MBNL1: variants seen among roughly 807,000 people sequenced by gnomAD.
MBNL1 encodes the protein muscleblind-like protein 1.
A neutral mutation model predicts 42.2 loss-of-function variants in MBNL1; 8 were observed. The ratio of observed to expected loss-of-function variants is 0.19; its 90% CI spans 0.11 to 0.34. MBNL1 has a LOEUF of 0.34. MBNL1 is among the 10% of genes least tolerant of loss of function. The pLI is 1.00. For synonymous variants in MBNL1, 169 were observed against 173.9 expected (o/e 0.97, Z 0.22); for missense variants, 309 against 495.3 (o/e 0.62, Z 3.57).
chr3:152,318,838 G>C (rs1229737768), intron 2 of MBNL1, among the ~76,000 whole-genome samples: 1 of 152,138 alleles, frequency 6.6e-6, no homozygotes, highest in Non-Finnish European at 1.5e-5. Context: ...ACACTCTACA[G>C]GCATTCACAG....
chr3:152,361,302 C>A (rs1216898094), intron 2 of MBNL1, among the ~76,000 whole-genome samples: 1 of 151,740 alleles, frequency 6.6e-6, no homozygotes, highest in Non-Finnish European at 1.5e-5. Flanking sequence ...GTATGAACAT[C>A]AGTGGAGTTC....
intron 8 of MBNL1, chr3:152,458,832 G>GA (rs3836441): frequency 2.7e-4 from 41 of 152,012 alleles, no homozygotes; most frequent in Middle Eastern, 3.4e-3. Context: ...TTTTAATTTG[G>GA]AAAAAAAAAG....
chr3:152,326,017 G>A (rs1315161369), intron 2 of MBNL1, among the ~76,000 whole-genome samples: 1 of 152,084 alleles, frequency 6.6e-6, no homozygotes, highest in East Asian at 1.9e-4. Flanking sequence ...GTTAAAAGAA[G>A]TCTCAGACAT....
intron 2 of MBNL1, chr3:152,301,010 A>G (rs2060512494): frequency 1.7e-6 from 1 of 604,216 alleles, no homozygotes; most frequent in Non-Finnish European, 2.1e-6. Flanking sequence ...CATAAGTACT[A>G]TTGTTTATTG....
chr3:152,414,483 T>C (rs1006755261), intron 2 of MBNL1, among the ~76,000 whole-genome samples: 4 of 152,194 alleles, frequency 2.6e-5, no homozygotes, highest in Admixed American at 6.5e-5. Flanking sequence ...GGTGTTTTAC[T>C]GAAGATACAA....
chr3:152,332,854 G>C (rs1310735905), intron 2 of MBNL1, among the ~76,000 whole-genome samples: 2 of 152,124 alleles, frequency 1.3e-5, no homozygotes, highest in Admixed American at 6.6e-5. Flanking sequence ...GAAATAGCTT[G>C]GTTTCAGTAT....
At chr3:152,455,438 TTTC>T (rs1333335134) in intron 6 of MBNL1, 101 bp from the exon 7 acceptor site, 5 of 899,420 alleles carry the variant, frequency 5.6e-6, no homozygotes, top group Non-Finnish European at 9.3e-6. Flanking sequence ...AATAACAATT[TTTC>T]TTCTTTGTTC....
At chr3:152,408,073 C>T (rs2098476196) in intron 2 of MBNL1, among the ~76,000 whole-genome samples, 1 of 152,070 alleles carries the variant, frequency 6.6e-6, no homozygotes, top group African/African-American at 2.4e-5. Context: ...ATAGGTGCGG[C>T]AAACCATTCA....
chr3:152,322,624 T>A (rs2077103470), intron 2 of MBNL1, among the ~76,000 whole-genome samples: 2 of 152,066 alleles, frequency 1.3e-5, no homozygotes, highest in Admixed American at 1.3e-4. Context: ...TTGGTATGAG[T>A]TATTTTACGT....
At chr3:152,447,443 C>CT (rs759856709) in intron 5 of MBNL1, among the ~76,000 whole-genome samples, 177 bp from the exon 6 acceptor site, 194 of 133,680 alleles carry the variant, frequency 1.5e-3, no homozygotes, top group Middle Eastern at 4.0e-3. Flanking sequence ...TTTTATCTTG[C>CT]TTTTTTTTTT....
intron 1 of MBNL1, among the ~76,000 whole-genome samples, chr3:152,275,538 G>A (rs1043097692): frequency 1.3e-5 from 2 of 151,668 alleles, no homozygotes; most frequent in Non-Finnish European, 2.9e-5. Flanking sequence ...GTGAAACCCC[G>A]TCTCTACTAA....
intron 1 of MBNL1, among the ~76,000 whole-genome samples, chr3:152,279,633 G>T (rs1473448452): frequency 6.6e-6 from 1 of 152,158 alleles, no homozygotes; most frequent in Non-Finnish European, 1.5e-5. Flanking sequence ...ATCTTCAGTA[G>T]ATATGGTATG....
chr3:152,338,192 A>G (rs1038691759), intron 2 of MBNL1: 1 of 985,306 alleles, frequency 1.0e-6, no homozygotes, highest in Non-Finnish European at 1.2e-6. Context: ...ATCTCCATGT[A>G]TTTTGTTGCA....
At chr3:152,339,633 A>G (rs1193008398) in intron 2 of MBNL1, 3 of 152,040 alleles carry the variant, frequency 2.0e-5, no homozygotes, top group Admixed American at 2.0e-4. Flanking sequence ...AATTCCTTAA[A>G]TGGTTTCCCC....
At chr3:152,418,327 C>T (rs1471745851) in intron 3 of MBNL1, among the ~76,000 whole-genome samples, 2 of 151,950 alleles carry the variant, frequency 1.3e-5, no homozygotes, top group Admixed American at 1.3e-4. Context: ...GTGGAAGCAC[C>T]TAATTGGAGA....
intron 2 of MBNL1, among the ~76,000 whole-genome samples, chr3:152,322,407 G>A (rs1296195369): frequency 1.3e-5 from 2 of 151,916 alleles, no homozygotes; most frequent in African/African-American, 4.8e-5. Context: ...TTGTAAATTA[G>A]GTCATGCATT....
chr3:152,294,453 T>G (rs1393509334), intron 1 of MBNL1, among the ~76,000 whole-genome samples: 1 of 151,888 alleles, frequency 6.6e-6, no homozygotes, highest in Non-Finnish European at 1.5e-5. Context: ...CCAGCTAATT[T>G]TTTGTATTTT....
At chr3:152,283,431 A>G (rs1577095643) in intron 1 of MBNL1, among the ~76,000 whole-genome samples, 1 of 152,182 alleles carries the variant, frequency 6.6e-6, no homozygotes, top group East Asian at 1.9e-4. Context: ...AAGAAATGAA[A>G]CAAGTACTTA....
Position 152,290,070 on chromosome 3 carries a change from G to A in MBNL1, c.-789-9335G>A, listed in dbSNP as rs181792042. Among the ~76,000 whole-genome samples the A allele has an allele frequency of 1.5e-3, 232 of 151,226 alleles. 1 individual carries two copies. The highest frequency in any genetic ancestry group is 2.1e-3 in the Non-Finnish European group (144 of 67,650). On this transcript the variant is annotated intron_variant, in intron 1 of 9. Coordinates refer to ENST00000324210, the MANE Select transcript of MBNL1 (RefSeq NM_021038.5). ...ATTAATAGTTAAATCACATATTTTG[G>A]GCCATATTCAATATAAATAAGCTAA... is the stretch of plus-strand genomic sequence containing the variant.
Sources: gnomAD v4.1 joint callset for allele counts (sites outside exome capture counted in the v4.1 genomes callset) on GRCh38, gnomAD v4.1.1 for gene constraint, MANE v1.5 for transcripts, NCBI Gene and HGNC (gene_info 2026-07-23, HGNC 2026-07-21) for gene names.